Variants in JAZF1 observed in about 807,000 individuals in gnomAD.
JAZF1 encodes the protein JAZF zinc finger 1.
JAZF1 carries 8 observed loss-of-function variants against 26.4 expected under a neutral mutation model. The observed-to-expected ratio is 0.30, with a 90% CI of 0.18 to 0.55. The LOEUF (loss-of-function observed/expected upper bound fraction) is 0.55, where lower values mean the gene tolerates loss of function less well. Among genes scored for constraint, JAZF1 ranks in the 20% least tolerant of loss-of-function variants. The pLI is 0.94. For synonymous variants in JAZF1, 126 were observed against 122.3 expected (o/e 1.03, Z -0.20); for missense variants, 199 against 322.0 (o/e 0.62, Z 2.92).
intron 2 of JAZF1, among the ~76,000 whole-genome samples, chr7:27,906,801 A>G (rs562062626): frequency 2.6e-5 from 4 of 152,332 alleles, no homozygotes; most frequent in Middle Eastern, 3.4e-3. Flanking sequence ...TGAATTGCAA[A>G]TAACTATGGC....
chr7:28,167,797 A>C (rs1392170171), intron 1 of JAZF1, among the ~76,000 whole-genome samples: 1 of 152,232 alleles, frequency 6.6e-6, no homozygotes, highest in African/African-American at 2.4e-5. Flanking sequence ...AAAAAGTTTT[A>C]ATTACAATGT....
intron 2 of JAZF1, among the ~76,000 whole-genome samples, chr7:27,948,822 G>A (rs939625815): frequency 2.6e-5 from 4 of 152,222 alleles, no homozygotes; most frequent in South Asian, 2.1e-4. Context: ...TAGTGGTCAA[G>A]TTTTGGAATT....
At chr7:27,919,739 A>G (rs893620980) in intron 2 of JAZF1, among the ~76,000 whole-genome samples, 39 of 152,244 alleles carry the variant, frequency 2.6e-4, no homozygotes, top group Admixed American at 1.8e-3. Flanking sequence ...AACGCCAAGG[A>G]AGATTGGACC....
At chr7:28,087,175 G>A (rs577441412) in intron 1 of JAZF1, among the ~76,000 whole-genome samples, 32 of 152,274 alleles carry the variant, frequency 2.1e-4, no homozygotes, top group African/African-American at 7.0e-4. Flanking sequence ...AAGTAATTAT[G>A]TAACAGCTGC....
In JAZF1 at chr7:28,110,618, A is replaced by G. The variant is rs529598610; in HGVS notation, c.115+69845T>C. Among the ~76,000 whole-genome samples the G allele has an allele frequency of 2.1e-5, 3 of 141,524 alleles. 1 individual carries two copies. Among genetic ancestry groups the G allele is most frequent in the East Asian group, 5.8e-4 (2 of 3,432 alleles). 92.8% of individuals were successfully genotyped at this position (141,524 alleles called of 152,430 possible). A position where few individuals can be genotyped will look rare whatever the true frequency, so the allele number is the denominator to read the frequency against. The stretch of plus-strand genomic sequence containing the variant: ...AAAGGAAAAGGAAAAGGAAAGGAAA[A>G]GGAAAGGAAAGGAAAGGAAAAGGAA... On this transcript the variant is annotated intron_variant, in intron 1 of 4. Transcript: ENST00000283928.
chr7:27,838,861 A>G (rs184512744), intron 4 of JAZF1, among the ~76,000 whole-genome samples: 120 of 152,226 alleles, frequency 7.9e-4, no homozygotes, highest in African/African-American at 2.8e-3. Context: ...TGGGATCAGG[A>G]CCACCAACTG....
intron 2 of JAZF1, among the ~76,000 whole-genome samples, chr7:27,948,661 G>A (rs147099493): frequency 8.4e-4 from 128 of 152,254 alleles, no homozygotes; most frequent in African/African-American, 3.0e-3. Flanking sequence ...GTAACCATCT[G>A]AATATTGATT....
At chr7:28,057,068 C>A (rs1354829982) in intron 1 of JAZF1, among the ~76,000 whole-genome samples, 1 of 152,172 alleles carries the variant, frequency 6.6e-6, no homozygotes, top group Non-Finnish European at 1.5e-5. Context: ...AAGATTAAAG[C>A]AAGTTCCTAG....
chr7:28,116,028 T>C (rs961057373), intron 1 of JAZF1, among the ~76,000 whole-genome samples: 14 of 152,236 alleles, frequency 9.2e-5, no homozygotes, highest in Admixed American at 2.6e-4. Flanking sequence ...AAGTGGATCA[T>C]AGTTTATTTA....
chr7:28,020,486 G>A (rs980707700), intron 1 of JAZF1: 3 of 434,752 alleles, frequency 6.9e-6, no homozygotes, highest in African/African-American at 2.0e-5. Context: ...AGCAGGAGTT[G>A]AAGCCTATGA....
intron 1 of JAZF1, among the ~76,000 whole-genome samples, chr7:28,055,368 C>T (rs1439635097): frequency 6.6e-6 from 1 of 152,106 alleles, no homozygotes; most frequent in Non-Finnish European, 1.5e-5. Context: ...TCATTCCCCA[C>T]TCCAGGGTTA....
intron 1 of JAZF1, among the ~76,000 whole-genome samples, chr7:28,045,864 G>A (rs1583528147): frequency 6.6e-6 from 1 of 152,192 alleles, no homozygotes. Context: ...ATGAGCCACT[G>A]TGCCTGGCCT....
chr7:27,902,964 C>T (rs571767240), intron 2 of JAZF1, among the ~76,000 whole-genome samples: 4 of 149,896 alleles, frequency 2.7e-5, no homozygotes, highest in African/African-American at 7.4e-5. Context: ...TGCAGTGAGC[C>T]GAGATCGCGC....
intron 1 of JAZF1, among the ~76,000 whole-genome samples, chr7:28,142,561 C>T (rs536695108): frequency 9.2e-5 from 14 of 152,142 alleles, no homozygotes; most frequent in Non-Finnish European, 2.1e-4. Context: ...TTCTACCGTG[C>T]GCACCTTTCC....
chr7:28,117,915 T>C (rs760093147), intron 1 of JAZF1, among the ~76,000 whole-genome samples: 13 of 152,088 alleles, frequency 8.5e-5, no homozygotes, highest in Admixed American at 1.3e-4. Flanking sequence ...AAGCAAGCAA[T>C]ACAACACAAT....
rs185443614 is a variant in JAZF1 at position 28,177,261 on chromosome 7, A to G, written c.115+3202T>C. 2.2e-3 allele frequency among the ~76,000 whole-genome samples: 341 copies of G among 152,308 alleles called. 2 individuals carry two copies. Among genetic ancestry groups the G allele is most frequent in the Non-Finnish European group, 3.2e-3 (217 of 68,028 alleles). On this transcript the variant is annotated intron_variant, in intron 1 of 4. Coordinates refer to ENST00000283928, the MANE Select transcript of JAZF1 (RefSeq NM_175061.4). Reference sequence around the variant, plus strand: ...ACAGCACTCTTCCAGGAGAGAAAAGAGCTAAAAAAGTGGGTGGTGAAAATC... The same window carrying G: ...ACAGCACTCTTCCAGGAGAGAAAAGGGCTAAAAAAGTGGGTGGTGAAAATC...
intron 1 of JAZF1, among the ~76,000 whole-genome samples, chr7:28,064,196 A>G (rs913662936): frequency 1.3e-5 from 2 of 152,088 alleles, no homozygotes; most frequent in African/African-American, 4.8e-5. Flanking sequence ...TGACCGGAAC[A>G]TCTGGCTATA....
At chr7:27,908,310 A>T (rs907549605) in intron 2 of JAZF1, among the ~76,000 whole-genome samples, 12 of 152,336 alleles carry the variant, frequency 7.9e-5, no homozygotes, top group South Asian at 2.1e-4. Context: ...TTCTTAAATG[A>T]AGTACTAATA....
At chr7:27,855,101 T>A (rs1240227557) in intron 3 of JAZF1, among the ~76,000 whole-genome samples, 1 of 152,150 alleles carries the variant, frequency 6.6e-6, no homozygotes, top group Non-Finnish European at 1.5e-5. Context: ...CATGCTTTAT[T>A]TCATTAAGTT....
Sources: allele counts gnomAD v4.1 joint callset (sites outside exome capture counted in the v4.1 genomes callset), GRCh38; gene constraint gnomAD v4.1.1; transcripts MANE v1.5; gene names NCBI Gene and HGNC (gene_info 2026-07-23, HGNC 2026-07-21).